The following NCKAP5 variants were observed in gnomAD, a reference collection of about 807,000 sequenced individuals.
NCKAP5 encodes nck-associated protein 5.
In NCKAP5, 92 loss-of-function variants were observed where a neutral mutation model predicts 167.0. The observed-to-expected ratio is 0.55, with a 90% CI of 0.47 to 0.66. NCKAP5 has a LOEUF of 0.66. NCKAP5 is among the 30% of genes least tolerant of loss of function. The probability of loss-of-function intolerance (pLI) is 0.00; values close to 1 mark genes in which losing one functional copy is unlikely to be tolerated. For missense variants in NCKAP5, 2,378 were observed against 2,315.0 expected, an observed-to-expected ratio of 1.03 and a Z score of -0.56; for synonymous variants, 891 against 877.4, an observed-to-expected ratio of 1.02 and a Z score of -0.27.
chr2:133,261,387 T>A (rs1293324625), intron 4 of NCKAP5, among the ~76,000 whole-genome samples: 1 of 152,234 alleles, frequency 6.6e-6, no homozygotes, highest in Non-Finnish European at 1.5e-5. Flanking sequence ...TTTACCTTAT[T>A]ATATAATAAT....
chr2:132,880,029 G>A (rs934620156), intron 8 of NCKAP5, among the ~76,000 whole-genome samples: 1 of 152,160 alleles, frequency 6.6e-6, no homozygotes, highest in Non-Finnish European at 1.5e-5. Context: ...GTCATGTTAA[G>A]TGAAATAATC....
intron 19 of NCKAP5, among the ~76,000 whole-genome samples, chr2:132,707,395 G>T (rs564107238): frequency 6.6e-6 from 1 of 152,232 alleles, no homozygotes; most frequent in Non-Finnish European, 1.5e-5. Flanking sequence ...GGCTAATGTG[G>T]TCTGGGGTTC....
intron 4 of NCKAP5, among the ~76,000 whole-genome samples, chr2:133,276,059 C>T (rs1226047918): frequency 6.6e-6 from 1 of 151,958 alleles, no homozygotes; most frequent in Non-Finnish European, 1.5e-5. Context: ...TCCTCCTCCT[C>T]AGCCCATTTA....
intron 16 of NCKAP5, among the ~76,000 whole-genome samples, chr2:132,745,712 C>T (rs1047716777): frequency 6.6e-6 from 1 of 151,878 alleles, no homozygotes; most frequent in Non-Finnish European, 1.5e-5. Flanking sequence ...TAAGGGATCT[C>T]CCAAAACACT....
chr2:133,573,113 A>T (rs182217124), upstream of NCKAP5, among the ~76,000 whole-genome samples: 1 of 152,342 alleles, frequency 6.6e-6, no homozygotes, highest in East Asian at 1.9e-4. Context: ...TGAGGGCCCC[A>T]AACGCATAGT....
At chr2:132,725,850 G>T in intron 18 of NCKAP5, 91 bp from the exon 19 acceptor site, 1 of 1,321,948 alleles carries the variant, frequency 7.6e-7, no homozygotes, top group Non-Finnish European at 1.1e-6. Context: ...TTCACATCTG[G>T]CTGTCAATGT....
At chr2:132,817,454 A>G (rs1168733881) in intron 11 of NCKAP5, among the ~76,000 whole-genome samples, 1 of 152,204 alleles carries the variant, frequency 6.6e-6, no homozygotes, top group Non-Finnish European at 1.5e-5. Context: ...ATAAAAAAAA[A>G]AATTCCTGGT....
At position 132,822,137 on chromosome 2, in the gene NCKAP5, C is replaced by T. The variant is rs186053038; in HGVS notation, c.808-25408G>A. On this transcript the variant is annotated intron_variant, in intron 11 of 19. Coordinates refer to ENST00000409261, the MANE Select transcript of NCKAP5 (RefSeq NM_207363.3). ...ATTACAGCAACTCAGGACAGAATCA[C>T]CTTGATCCCAGGAAGAAGACAAAAC... Among the ~76,000 whole-genome samples, 43 of 152,328 alleles carry T rather than the reference C, an allele frequency of 2.8e-4. 1 individual carries two copies. Among genetic ancestry groups the T allele is most frequent in the South Asian group, 2.1e-3 (10 of 4,828 alleles).
At chr2:133,030,392 C>T (rs927175823) in intron 6 of NCKAP5, among the ~76,000 whole-genome samples, 76 of 152,198 alleles carry the variant, frequency 5.0e-4, no homozygotes, top group African/African-American at 1.7e-3. Context: ...TATCTGACCA[C>T]GCCTGCTGGG....
At chr2:133,249,174 C>A (rs1014564138) in intron 4 of NCKAP5, among the ~76,000 whole-genome samples, 2 of 151,990 alleles carry the variant, frequency 1.3e-5, no homozygotes, top group African/African-American at 4.8e-5. Flanking sequence ...GTAAAAGGAA[C>A]TTTGCAGGTG....
chr2:132,761,251 C>T (rs1680980981), intron 16 of NCKAP5, among the ~76,000 whole-genome samples: 1 of 152,182 alleles, frequency 6.6e-6, no homozygotes, highest in South Asian at 2.1e-4. Context: ...AATTTAGCTC[C>T]TTAAAACCAG....
At chr2:133,383,104 T>G (rs1686647493) in intron 3 of NCKAP5, among the ~76,000 whole-genome samples, 1 of 152,172 alleles carries the variant, frequency 6.6e-6, no homozygotes. Flanking sequence ...CTAGGGTACA[T>G]GTGCACAGTG....
intron 5 of NCKAP5, among the ~76,000 whole-genome samples, chr2:133,171,615 C>A (rs1290374086): frequency 1.3e-5 from 2 of 152,120 alleles, no homozygotes; most frequent in East Asian, 3.9e-4. Flanking sequence ...TGGTGGAAAG[C>A]CTGAATCAAT....
chr2:133,135,290 G>A (rs1036043678), intron 5 of NCKAP5, among the ~76,000 whole-genome samples: 5 of 152,206 alleles, frequency 3.3e-5, no homozygotes, highest in Non-Finnish European at 5.9e-5. Flanking sequence ...AGCACTGCAG[G>A]CAGAGGGAGA....
intron 11 of NCKAP5, among the ~76,000 whole-genome samples, chr2:132,800,362 C>T (rs1684930035): frequency 6.6e-6 from 1 of 152,174 alleles, no homozygotes; most frequent in African/African-American, 2.4e-5. Flanking sequence ...GTTAGACATA[C>T]TTGTTTTATT....
At chr2:132,966,518 A>G (rs1312168027) in intron 7 of NCKAP5, among the ~76,000 whole-genome samples, 3 of 152,200 alleles carry the variant, frequency 2.0e-5, no homozygotes, top group African/African-American at 7.2e-5. Flanking sequence ...GTCATTCACA[A>G]TGGTTATGTT....
chr2:133,280,589 T>C (rs1263303924), intron 4 of NCKAP5, among the ~76,000 whole-genome samples: 3 of 152,116 alleles, frequency 2.0e-5, no homozygotes, highest in Non-Finnish European at 4.4e-5. Context: ...TAGAAGGACA[T>C]GGGCACAGGA....
chr2:133,392,550 T>C (rs996329435), intron 3 of NCKAP5, among the ~76,000 whole-genome samples: 8 of 152,368 alleles, frequency 5.3e-5, no homozygotes, highest in Admixed American at 3.9e-4. Context: ...GCAGTGACTA[T>C]AACTGTATTG....
In NCKAP5 at chr2:133,293,873, C is replaced by A. The variant is rs78607425; in HGVS notation, c.143+9164G>T. Among the ~76,000 whole-genome samples the A allele has an allele frequency of 5.3e-5, 8 of 152,232 alleles. No homozygotes were observed. The East Asian group carries it at 1.5e-3, about 29-fold the overall frequency. On this transcript the variant is annotated intron_variant, in intron 4 of 19. Coordinates refer to ENST00000409261, the MANE Select transcript of NCKAP5 (RefSeq NM_207363.3). ...GACATTTGATGGGTTTCCAGGGTGG[C>A]TCTGGGGTCTGCACTTGGCTGAGAA...
Sources: gnomAD v4.1 joint callset for allele counts (sites outside exome capture counted in the v4.1 genomes callset) on GRCh38, gnomAD v4.1.1 for gene constraint, MANE v1.5 for transcripts, NCBI Gene and HGNC (gene_info 2026-07-23, HGNC 2026-07-21) for gene names.